ARID4B: variants seen among roughly 807,000 people sequenced by gnomAD.
ARID4B encodes the protein AT-rich interaction domain 4B, also known as AT-rich interactive domain-containing protein 4B.
ARID4B carries 26 observed loss-of-function variants against 147.5 expected under a neutral mutation model. That is an observed-to-expected ratio of 0.18 (90% CI 0.13 to 0.24). ARID4B has a LOEUF of 0.24. Ranked by LOEUF, ARID4B falls within the 10% of genes least tolerant of loss-of-function variation. ARID4B has a pLI of 1.00. For missense variants in ARID4B, 1,179 were observed against 1,511.5 expected (o/e 0.78, Z 3.65); for synonymous variants, 512 against 507.9 (o/e 1.01, Z -0.11).
intron 2 of ARID4B, among the ~76,000 whole-genome samples, chr1:235,320,829 C>G (rs1426336869): frequency 6.6e-6 from 1 of 152,210 alleles, no homozygotes; most frequent in African/African-American, 2.4e-5. Context: ...CCCCAGAAAC[C>G]TGAATGGCTC....
chr1:235,309,397 G>C (rs187798211), intron 2 of ARID4B, among the ~76,000 whole-genome samples: 15 of 150,532 alleles, frequency 1.0e-4, no homozygotes, highest in Non-Finnish European at 1.8e-4. Context: ...GTCTCTGCCC[G>C]GCAGCCACCC....
intron 4 of ARID4B, 139 bp downstream of exon 4, chr1:235,257,021 A>AT (rs1249203877): frequency 4.5e-6 from 3 of 664,120 alleles, no homozygotes; most frequent in Non-Finnish European, 7.7e-6. Flanking sequence ...GATTAAGTCT[A>AT]TTTTTTCTAT....
intron 19 of ARID4B, among the ~76,000 whole-genome samples, chr1:235,185,921 T>G (rs576037109): frequency 5.1e-4 from 77 of 152,280 alleles, no homozygotes; most frequent in African/African-American, 1.6e-3. Context: ...TAGTGAGCAA[T>G]TTCAATGTAA....
chr1:235,322,025 A>G (rs146369478), intron 2 of ARID4B, among the ~76,000 whole-genome samples: 15 of 151,704 alleles, frequency 9.9e-5, no homozygotes, highest in African/African-American at 1.2e-4. Flanking sequence ...GTAGTTTTCA[A>G]GAAAAAATTT....
chr1:235,227,828 C>T (rs559817120), intron 11 of ARID4B, among the ~76,000 whole-genome samples: 4 of 142,042 alleles, frequency 2.8e-5, no homozygotes, highest in African/African-American at 5.7e-5. Context: ...TACTTTTCTG[C>T]TATTTTTTTT....
intron 2 of ARID4B, among the ~76,000 whole-genome samples, chr1:235,274,299 C>T (rs1671172103): frequency 6.6e-6 from 1 of 151,856 alleles, no homozygotes; most frequent in Non-Finnish European, 1.5e-5. Context: ...CACTTGAGCC[C>T]GGGAGGTGGA....
At chr1:235,203,048 T>G (rs1666059281) in intron 17 of ARID4B, among the ~76,000 whole-genome samples, 1 of 152,162 alleles carries the variant, frequency 6.6e-6, no homozygotes, top group African/African-American at 2.4e-5. Context: ...TAAACAGTAA[T>G]GACAAATTGT....
At chr1:235,195,650 G>A (rs1461293935) in intron 18 of ARID4B, among the ~76,000 whole-genome samples, 2 of 151,780 alleles carry the variant, frequency 1.3e-5, no homozygotes, top group Admixed American at 6.6e-5. Flanking sequence ...ATCAGATAAA[G>A]AAGAAGAGAA....
At chr1:235,210,834 TCTTTC>T (rs1666669415) in intron 17 of ARID4B, among the ~76,000 whole-genome samples, 1 of 151,950 alleles carries the variant, frequency 6.6e-6, no homozygotes. Context: ...CAATTTAAAT[TCTTTC>T]CTTTCCCTTC....
chr1:235,222,471 C>G (rs1172971637), intron 13 of ARID4B, among the ~76,000 whole-genome samples: 1 of 152,066 alleles, frequency 6.6e-6, no homozygotes, highest in Non-Finnish European at 1.5e-5. Flanking sequence ...ACATTTCCTG[C>G]TTTAATCCCT....
chr1:235,257,239 GT>G lies in ARID4B; in HGVS notation c.118-15del. On this transcript the variant is annotated splice_polypyrimidine_tract_variant and intron_variant, in intron 3 of 23. Transcript: ENST00000264183. ...TCTAAATGTCACCTAGAGATTATAA[GT>G]TTAATTAGCCACCAAAAATAAACCA... The G allele has an allele frequency of 8.2e-6, 13 of 1,594,230 alleles. No individual in the cohort carries two copies. The highest frequency in any genetic ancestry group is 1.1e-5 in the Non-Finnish European group (13 of 1,162,970).
Position 235,270,087 on chromosome 1 carries a change from T to C in ARID4B, c.7-9335A>G, listed in dbSNP as rs540596996. Among the ~76,000 whole-genome samples, 11 of 152,134 alleles carry C rather than the reference T, an allele frequency of 7.2e-5. No homozygotes were observed. In the East Asian group the frequency reaches 1.9e-3, roughly 27 times the overall value. ...TCACAAGGTCAGGAGATCGAGACCA[T>C]CTTGGCTAACACGGTGAAACCCCGT... On this transcript the variant is annotated intron_variant, in intron 2 of 23. Coordinates refer to ENST00000264183, the MANE Select transcript of ARID4B (RefSeq NM_016374.6).
chr1:235,223,080 G>T, intron 13 of ARID4B, 86 bp downstream of exon 13: 2 of 910,382 alleles, frequency 2.2e-6, no homozygotes, highest in Non-Finnish European at 3.3e-6. Flanking sequence ...TTGTTTTGTT[G>T]TTTAGAAAAA....
chr1:235,258,934 C>T lies in ARID4B; in HGVS notation c.117+1708G>A, dbSNP rs535807463. On this transcript the variant is annotated intron_variant, in intron 3 of 23. Coordinates refer to ENST00000264183, the MANE Select transcript of ARID4B (RefSeq NM_016374.6). ...AAAACAGGTAGTGAAAACATATCAA[C>T]AAATTTGTTAAAAATATATTAACTT... Among the ~76,000 whole-genome samples, 3 of 152,240 alleles carry T rather than the reference C, an allele frequency of 2.0e-5. No homozygotes were observed. In the East Asian group the frequency reaches 5.8e-4, roughly 29 times the overall value.
intron 2 of ARID4B, among the ~76,000 whole-genome samples, chr1:235,261,027 C>T (rs73114660): frequency 0.027 from 4,176 of 152,128 alleles, 213 homozygotes; most frequent in African/African-American, 0.095. Context: ...CACAAGTATA[C>T]CCCTCTAGTC....
At chr1:235,282,707 A>G (rs1291753820) in intron 2 of ARID4B, among the ~76,000 whole-genome samples, 1 of 152,216 alleles carries the variant, frequency 6.6e-6, no homozygotes, top group Non-Finnish European at 1.5e-5. Flanking sequence ...GAGAAAGAGA[A>G]AACAGGAATA....
intron 6 of ARID4B, among the ~76,000 whole-genome samples, chr1:235,247,379 T>A (rs1021807728): frequency 2.6e-5 from 4 of 152,210 alleles, no homozygotes; most frequent in Non-Finnish European, 4.4e-5. Flanking sequence ...ATAACTTTTT[T>A]AAAATTGAGA....
chr1:235,279,844 T>C (rs955223629), intron 2 of ARID4B, among the ~76,000 whole-genome samples: 2 of 152,220 alleles, frequency 1.3e-5, no homozygotes, highest in Non-Finnish European at 2.9e-5. Flanking sequence ...TGCTGAGTTT[T>C]AAGGAGCTTC....
At chr1:235,195,927 G>A in intron 18 of ARID4B, 104 bp downstream of exon 18, 2 of 700,872 alleles carry the variant, frequency 2.9e-6, no homozygotes, top group South Asian at 1.7e-5. Context: ...TTTGAAAAAT[G>A]TGCTATTTCA....
Sources: gnomAD v4.1 joint callset for allele counts (sites outside exome capture counted in the v4.1 genomes callset) on GRCh38, gnomAD v4.1.1 for gene constraint, MANE v1.5 for transcripts, NCBI Gene and HGNC (gene_info 2026-07-23, HGNC 2026-07-21) for gene names.